Variants in IFT46 observed in about 807,000 individuals in gnomAD.
IFT46 encodes intraflagellar transport 46.
Under a neutral mutation model 39.6 loss-of-function variants are expected in IFT46, and 19 were observed. The observed-to-expected ratio is 0.48, with a 90% CI of 0.33 to 0.70. The LOEUF (loss-of-function observed/expected upper bound fraction) is 0.70, where lower values mean the gene tolerates loss of function less well. IFT46 is among the 30% of genes least tolerant of loss of function. The probability of loss-of-function intolerance (pLI) is 0.01; values close to 1 mark genes in which losing one functional copy is unlikely to be tolerated. For synonymous variants in IFT46, 117 were observed against 134.8 expected, an observed-to-expected ratio of 0.87 and a Z score of 0.91; for missense variants, 334 against 364.8, an observed-to-expected ratio of 0.92 and a Z score of 0.69.
chr11:118,561,505 T>G, intron 2 of IFT46: 2 of 755,010 alleles, frequency 2.6e-6, no homozygotes, highest in Non-Finnish European at 4.7e-6. Flanking sequence ...AAATGTCCCT[T>G]GCTCAGAAGA....
At chr11:118,559,698 G>T (rs1253008033) in intron 3 of IFT46, 87 bp downstream of exon 3, 2 of 1,048,168 alleles carry the variant, frequency 1.9e-6, no homozygotes, top group Admixed American at 1.7e-5. Flanking sequence ...GAGTGTTCAA[G>T]AAATGTTTAC....
At chr11:118,546,297 A>C in intron 9 of IFT46, 1 of 631,084 alleles carries the variant, frequency 1.6e-6, no homozygotes, top group Non-Finnish European at 2.9e-6. Flanking sequence ...TAGGAGTTCG[A>C]GACCAGCCTG....
At chr11:118,561,613 A>T (rs1275355446) in intron 2 of IFT46, 1 of 524,916 alleles carries the variant, frequency 1.9e-6, no homozygotes, top group African/African-American at 1.9e-5. Context: ...TTTTTCAGAT[A>T]AAGACGATAA....
chr11:118,571,429 TTCTCCTGG>T (rs879959166), intron 1 of IFT46, among the ~76,000 whole-genome samples: 50 of 152,382 alleles, frequency 3.3e-4, no homozygotes, highest in Non-Finnish European at 5.9e-4. Context: ...ATATATTCAG[TTCTCCTGG>T]GTATGTACCT....
chr11:118,558,056 G>T (rs1268210875), intron 3 of IFT46, among the ~76,000 whole-genome samples: 1 of 152,114 alleles, frequency 6.6e-6, no homozygotes, highest in Non-Finnish European at 1.5e-5. Context: ...ACACGTTACA[G>T]GACACCAAAA....
At chr11:118,558,376 C>T (rs1937912841) in intron 3 of IFT46, among the ~76,000 whole-genome samples, 1 of 152,140 alleles carries the variant, frequency 6.6e-6, no homozygotes, top group Admixed American at 6.5e-5. Flanking sequence ...GCAGGCGGAT[C>T]ATGTGGTCAG....
rs549922105 is a variant in IFT46 at position 118,545,231 on chromosome 11, C to T, written c.819+178G>A. ...TCCACCCACCCTTTTTTTTCCTCCA[C>T]TTTCCCCTTGAAAACTCCATCCCTG... On this transcript the variant is annotated intron_variant, in intron 11 of 11. Coordinates refer to ENST00000264021, the MANE Select transcript of IFT46 (RefSeq NM_001168618.2). 8.2e-4 allele frequency among the ~76,000 whole-genome samples: 124 copies of T among 152,080 alleles called. 1 individual carries two copies. Among genetic ancestry groups the T allele is most frequent in the Middle Eastern group, 3.4e-3 (1 of 294 alleles).
intron 9 of IFT46, chr11:118,546,121 A>T: frequency 1.4e-6 from 1 of 718,582 alleles, no homozygotes; most frequent in South Asian, 1.5e-5. Context: ...CCTTATAGGA[A>T]GAAGAAATCA....
At chr11:118,557,116 A>G (rs570766916) in intron 3 of IFT46, 71 bp from the exon 4 acceptor site, 15 of 1,397,400 alleles carry the variant, frequency 1.1e-5, no homozygotes, top group Non-Finnish European at 1.3e-5. Flanking sequence ...CCAGTTCTCT[A>G]TTGCTCTAAC....
At position 118,555,023 on chromosome 11, in the gene IFT46, G is replaced by C. The variant is rs1653156502; in HGVS notation, c.321C>G (p.Ile107Met). 6.2e-7 allele frequency: 1 copy of C among 1,613,706 alleles called. No homozygotes were observed. The highest frequency in any genetic ancestry group is 8.5e-7 in the Non-Finnish European group (1 of 1,179,746). ...ATGCATCAATATCCCCGACAGCTGG[G>C]ATAAAATCAGGAATGAAAGGCTTCA... The part of the protein sequence containing the change: ...HKLKPFIPDF[I>M]PAVGDIDAFL... The change falls in exon 6 of 12, where the codon ATC becomes ATG. Residue 107 changes from isoleucine to methionine, a missense_variant. Transcript: ENST00000264021.
intron 9 of IFT46, chr11:118,546,282 G>A (rs563628772): frequency 2.3e-5 from 15 of 648,916 alleles, no homozygotes; most frequent in Admixed American, 8.0e-5. Context: ...CAGATCGCCT[G>A]AGCCTAGGAG....
upstream of IFT46, among the ~76,000 whole-genome samples, chr11:118,574,796 C>T (rs145325262): frequency 6.4e-3 from 975 of 151,928 alleles, 11 homozygotes; most frequent in African/African-American, 0.021. Flanking sequence ...CACTATGTTG[C>T]CCAGGCTGGA....
chr11:118,545,060 G>A, intron 11 of IFT46, 49 bp from the exon 12 acceptor site: 1 of 1,255,592 alleles, frequency 8.0e-7, no homozygotes, highest in African/African-American at 1.5e-5. Context: ...TATGCTAATT[G>A]CTATATTTTA....
chr11:118,553,029 C>A (rs967312993), intron 7 of IFT46, among the ~76,000 whole-genome samples: 9 of 151,942 alleles, frequency 5.9e-5, no homozygotes, highest in Non-Finnish European at 1.2e-4. Flanking sequence ...CTACAGTGAG[C>A]CCCAATCACA....
intron 9 of IFT46, among the ~76,000 whole-genome samples, chr11:118,548,402 G>A (rs1184132846): frequency 7.8e-6 from 1 of 128,004 alleles, no homozygotes; most frequent in African/African-American, 3.1e-5. Flanking sequence ...GTCTCACTCT[G>A]TCATGAGGCT....
intron 9 of IFT46, among the ~76,000 whole-genome samples, chr11:118,547,744 C>CTTTTTTTTTTTTTTTTTT (rs1233612951): frequency 1.1e-5 from 1 of 91,176 alleles, no homozygotes; most frequent in Non-Finnish European, 2.3e-5. Flanking sequence ...CTTTTCTTTT[C>CTTTTTTTTTTTTTTTTTT]TTTTTTTTTT....
chr11:118,551,975 G>T, intron 8 of IFT46, 123 bp from the exon 9 acceptor site: 1 of 1,101,744 alleles, frequency 9.1e-7, no homozygotes, highest in Non-Finnish European at 1.4e-6. Flanking sequence ...GGCTTCAGGA[G>T]AACCTAGACT....
At chr11:118,547,892 G>A (rs1418357432) in intron 9 of IFT46, among the ~76,000 whole-genome samples, 5 of 150,748 alleles carry the variant, frequency 3.3e-5, no homozygotes, top group African/African-American at 4.9e-5. Context: ...GACTATAGGC[G>A]CCCGCCACAG....
rs781828935 is a variant in IFT46, at chr11:118,555,327, G to A, written c.186-5C>T. ...TAGTCTGCAGGGTCATAGGCCCTGG[G>A]AAAAGGAAAACAGTTTGTTCGAGGT... On this transcript the variant is annotated splice_polypyrimidine_tract_variant and splice_region_variant and intron_variant, in intron 4 of 11. Transcript: ENST00000264021. 4 of 1,613,078 alleles carry A rather than the reference G, an allele frequency of 2.5e-6. No individual in the cohort carries two copies. The highest frequency in any genetic ancestry group is 1.1e-5 in the South Asian group (1 of 91,048).
Sources: allele counts gnomAD v4.1 joint callset (sites outside exome capture counted in the v4.1 genomes callset), GRCh38; gene constraint gnomAD v4.1.1; transcripts MANE v1.5; gene names NCBI Gene and HGNC (gene_info 2026-07-23, HGNC 2026-07-21).